The following CMSS1 variants were observed in gnomAD, a reference collection of about 807,000 sequenced individuals.
CMSS1 encodes cms1 ribosomal small subunit homolog.
CMSS1 carries 33 observed loss-of-function variants against 43.5 expected under a neutral mutation model. The observed-to-expected ratio is 0.76, with a 90% CI of 0.57 to 1.01. CMSS1 has a LOEUF of 1.01. Ranked by LOEUF, CMSS1 falls within the 50% of genes least tolerant of loss-of-function variation. CMSS1 has a pLI of 0.00. For missense variants in CMSS1, 313 were observed against 326.4 expected, an observed-to-expected ratio of 0.96 and a Z score of 0.32; for synonymous variants, 115 against 117.2, an observed-to-expected ratio of 0.98 and a Z score of 0.12.
intron 1 of CMSS1, among the ~76,000 whole-genome samples, chr3:99,827,026 C>T (rs1264303927): frequency 1.3e-5 from 2 of 152,104 alleles, no homozygotes; most frequent in Non-Finnish European, 2.9e-5. Context: ...AGGAAAGATG[C>T]TTTATATTTC....
At chr3:100,046,930 G>A (rs1559738454) in intron 1 of CMSS1, among the ~76,000 whole-genome samples, 1 of 152,148 alleles carries the variant, frequency 6.6e-6, no homozygotes, top group Non-Finnish European at 1.5e-5. Context: ...GAGTAATTAG[G>A]TAGAGGGAAA....
intron 1 of CMSS1, among the ~76,000 whole-genome samples, chr3:99,832,477 G>C (rs538319394): frequency 7.7e-5 from 11 of 142,464 alleles, no homozygotes; most frequent in Non-Finnish European, 1.2e-4. Context: ...TGATCCGCCC[G>C]CCTTGGCCTC....
At chr3:99,904,502 A>G (rs954986341) in intron 1 of CMSS1, among the ~76,000 whole-genome samples, 3 of 152,256 alleles carry the variant, frequency 2.0e-5, no homozygotes, top group Non-Finnish European at 2.9e-5. Flanking sequence ...AGGATATTCC[A>G]TTAAAATGAG....
chr3:100,160,696 C>T (rs752098527), intron 3 of CMSS1, among the ~76,000 whole-genome samples, 195 bp downstream of exon 3: 20 of 152,180 alleles, frequency 1.3e-4, no homozygotes, highest in Non-Finnish European at 2.4e-4. Context: ...ATAAATTCTT[C>T]TGACTCCTAT....
At chr3:100,012,549 A>C (rs1710188518) in intron 1 of CMSS1, among the ~76,000 whole-genome samples, 1 of 151,938 alleles carries the variant, frequency 6.6e-6, no homozygotes, top group Admixed American at 6.6e-5. Context: ...AATTTTCTCT[A>C]ACATTGGGAA....
At chr3:100,050,196 T>A (rs2065346306) in intron 1 of CMSS1, among the ~76,000 whole-genome samples, 1 of 152,164 alleles carries the variant, frequency 6.6e-6, no homozygotes, top group African/African-American at 2.4e-5. Flanking sequence ...GTTTCATAGA[T>A]CAATAAATAA....
intron 1 of CMSS1, among the ~76,000 whole-genome samples, chr3:100,102,841 G>T (rs2066332591): frequency 6.6e-6 from 1 of 152,224 alleles, no homozygotes; most frequent in Non-Finnish European, 1.5e-5. Context: ...TGCTATAAGT[G>T]TATAGGAGAG....
At chr3:100,078,856 A>G (rs1008346400) in intron 1 of CMSS1, among the ~76,000 whole-genome samples, 1 of 152,120 alleles carries the variant, frequency 6.6e-6, no homozygotes, top group Admixed American at 6.5e-5. Flanking sequence ...ACACCACTGC[A>G]CTCCAGCCTG....
At chr3:100,055,573 A>T (rs2065450914) in intron 1 of CMSS1, among the ~76,000 whole-genome samples, 1 of 152,248 alleles carries the variant, frequency 6.6e-6, no homozygotes, top group Non-Finnish European at 1.5e-5. Context: ...ATATACAAAG[A>T]TGCAAAGATA....
chr3:99,828,406 C>T (rs1003574589), intron 1 of CMSS1, among the ~76,000 whole-genome samples: 7 of 51,720 alleles, frequency 1.4e-4, no homozygotes, highest in Non-Finnish European at 1.7e-4. Flanking sequence ...TCTGTACATA[C>T]GTGTATTTTT....
At chr3:100,051,019 C>G (rs1329056329) in intron 1 of CMSS1, among the ~76,000 whole-genome samples, 2 of 152,134 alleles carry the variant, frequency 1.3e-5, no homozygotes, top group Non-Finnish European at 2.9e-5. Context: ...TGCAAACAAT[C>G]TTATACCCAC....
intron 1 of CMSS1, among the ~76,000 whole-genome samples, chr3:100,121,999 A>T (rs1199295661): frequency 6.6e-6 from 1 of 152,226 alleles, no homozygotes; most frequent in Admixed American, 6.5e-5. Context: ...GATCCCAAGC[A>T]GCAGATAAGG....
intron 1 of CMSS1, among the ~76,000 whole-genome samples, chr3:100,126,966 C>T (rs1029442661): frequency 6.6e-6 from 1 of 151,506 alleles, no homozygotes; most frequent in African/African-American, 2.4e-5. Flanking sequence ...CCACTGCACT[C>T]TAGCCTGGGC....
chr3:100,100,073 A>G (rs1371886374), intron 1 of CMSS1, among the ~76,000 whole-genome samples: 1 of 152,208 alleles, frequency 6.6e-6, no homozygotes, highest in Non-Finnish European at 1.5e-5. Context: ...GGAGTGGGCA[A>G]GTGTGGCATG....
chr3:99,882,893 T>C (rs1705774990), intron 1 of CMSS1, among the ~76,000 whole-genome samples: 1 of 152,260 alleles, frequency 6.6e-6, no homozygotes. Context: ...AGATTGCTGC[T>C]TATCATCTCA....
intron 1 of CMSS1, among the ~76,000 whole-genome samples, chr3:99,902,458 C>T (rs967934709): frequency 2.0e-5 from 3 of 152,152 alleles, no homozygotes; most frequent in African/African-American, 4.8e-5. Flanking sequence ...AAATGAAATA[C>T]CTTCTGATTC....
At chr3:99,892,272 A>G (rs914253379) in intron 1 of CMSS1, among the ~76,000 whole-genome samples, 3 of 152,216 alleles carry the variant, frequency 2.0e-5, no homozygotes, top group African/African-American at 7.2e-5. Context: ...AGGGCTTCAC[A>G]TCTTTGAAGA....
chr3:100,157,005 C>G (rs1327590829), intron 2 of CMSS1, among the ~76,000 whole-genome samples: 1 of 152,146 alleles, frequency 6.6e-6, no homozygotes, highest in East Asian at 1.9e-4. Flanking sequence ...GTCCTCCCAC[C>G]TTGGCCCCAC....
intron 1 of CMSS1, among the ~76,000 whole-genome samples, chr3:99,822,151 C>CA (rs1392098828): frequency 6.6e-6 from 1 of 152,106 alleles, no homozygotes; most frequent in Non-Finnish European, 1.5e-5. Flanking sequence ...ATTAAATTAC[C>CA]AAGTCGAGTA....
Sources: allele counts gnomAD v4.1 joint callset (sites outside exome capture counted in the v4.1 genomes callset), GRCh38; gene constraint gnomAD v4.1.1; transcripts MANE v1.5; gene names NCBI Gene and HGNC (gene_info 2026-07-23, HGNC 2026-07-21).